Variants in DNAH11 observed in about 807,000 individuals in gnomAD.
DNAH11 encodes the protein dynein axonemal heavy chain 11.
In DNAH11, 442 loss-of-function variants were observed where a neutral mutation model predicts 526.0. The observed-to-expected ratio is 0.84, with a 90% confidence interval of 0.78 to 0.91. The LOEUF (loss-of-function observed/expected upper bound fraction) is 0.91. Ranked by LOEUF, DNAH11 falls within the 40% of genes least tolerant of loss-of-function variation. DNAH11 has a pLI of 0.00. For missense variants in DNAH11, 6,989 were observed against 5,448.7 expected, an observed-to-expected ratio of 1.28 and a Z score of -8.90; for synonymous variants, 2,461 against 1,935.9, an observed-to-expected ratio of 1.27 and a Z score of -7.12.
At chr7:21,738,567 T>C (rs1354086710) in intron 46 of DNAH11, 134 bp from the exon 47 acceptor site, 22 of 842,844 alleles carry the variant, frequency 2.6e-5, no homozygotes, top group Non-Finnish European at 3.9e-5. Context: ...CCGGGTCTCT[T>C]AACCTATGAA....
chr7:21,652,582 A>G (rs1781828447), intron 28 of DNAH11, among the ~76,000 whole-genome samples: 1 of 152,198 alleles, frequency 6.6e-6, no homozygotes, highest in African/African-American at 2.4e-5. Context: ...ACCAACAGTG[A>G]GAAGCTTTAA....
At position 21,620,036 on chromosome 7, in the gene DNAH11, A is replaced by G. The variant is rs768404181; in HGVS notation, c.4458A>G (p.Leu1486=). The G allele has an allele frequency of 5.6e-6, 9 of 1,608,110 alleles. No individual in the cohort carries two copies. The highest frequency in any genetic ancestry group is 3.4e-6 in the Non-Finnish European group (4 of 1,178,066). Residue 1486 remains leucine, a synonymous_variant, in exon 25 of 82, where the codon CTA becomes CTG. Coordinates refer to ENST00000409508, the MANE Select transcript of DNAH11 (RefSeq NM_001277115.2). ...ACTATCGAACAGGCATTCCATTACT[A>G]AAGTCTGATGAACAACTTTTTGAAA... is the stretch of plus-strand genomic sequence containing the variant. The part of the protein sequence containing the change: ...EVHYRTGIPL[L]KSDEQLFETL...
chr7:21,830,597 TAGG>T (rs1790509700), intron 65 of DNAH11, among the ~76,000 whole-genome samples: 1 of 152,164 alleles, frequency 6.6e-6, no homozygotes, highest in South Asian at 2.1e-4. Context: ...AACTTTATAC[TAGG>T]AGTCTAGAGA....
chr7:21,855,153 T>G (rs1583777133), intron 68 of DNAH11, among the ~76,000 whole-genome samples: 1 of 149,408 alleles, frequency 6.7e-6, no homozygotes, highest in Non-Finnish European at 1.5e-5. Flanking sequence ...TGCCTCAGCC[T>G]CCTGAGTAGC....
At chr7:21,649,004 C>A (rs745359960) in intron 28 of DNAH11, among the ~76,000 whole-genome samples, 11 of 152,076 alleles carry the variant, frequency 7.2e-5, no homozygotes, top group Non-Finnish European at 1.0e-4. Context: ...GTAAAGTATT[C>A]ATTTTCCCTT....
Position 21,864,602 on chromosome 7 carries a change from A to T in DNAH11, c.11441A>T (p.His3814Leu). 1 of 1,610,898 alleles carries T rather than the reference A, an allele frequency of 6.2e-7. No homozygotes were observed. Among genetic ancestry groups the T allele is most frequent in the African/African-American group, 1.3e-5 (1 of 74,990 alleles). ...TTCCTGCTTCGATTCACAGTTGAACACACTCATCTGAGTCCCGTTGACTTC... is the reference window on the plus strand; with the variant it reads ...TTCCTGCTTCGATTCACAGTTGAACTCACTCATCTGAGTCCCGTTGACTTC... ...LDFLLRFTVE[H>L]THLSPVDFLT... is the part of the protein sequence containing the mutation. Residue 3814 changes from histidine to leucine, a missense_variant, in exon 70 of 82, where the codon CAC becomes CTC. Transcript: ENST00000409508.
Position 21,551,676 on chromosome 7 carries a change from A to G in DNAH11, c.495+6527A>G, listed in dbSNP as rs551764878. ...ATGGCCATTATGTCTCTTGCCATCT[A>G]TCACATGGGACGACCTATCCACAAA... On this transcript the variant is annotated intron_variant, in intron 2 of 81. Transcript: ENST00000409508. 2.0e-5 allele frequency among the ~76,000 whole-genome samples: 3 copies of G among 152,314 alleles called. No individual in the cohort carries two copies. The East Asian group carries it at 5.8e-4, about 29-fold the overall frequency.
chr7:21,694,752 C>T (rs907273712), intron 35 of DNAH11, among the ~76,000 whole-genome samples: 39 of 152,146 alleles, frequency 2.6e-4, no homozygotes, highest in African/African-American at 8.7e-4. Flanking sequence ...ATTTCTGGTT[C>T]TAGATCCTTG....
intron 55 of DNAH11, among the ~76,000 whole-genome samples, chr7:21,769,721 G>A (rs1554279193): frequency 6.6e-6 from 1 of 152,054 alleles, no homozygotes; most frequent in Non-Finnish European, 1.5e-5. Flanking sequence ...TTGACCTCGG[G>A]TTATCTGCCT....
At chr7:21,790,821 GA>G (rs1272556785) in intron 61 of DNAH11, among the ~76,000 whole-genome samples, 1 of 152,220 alleles carries the variant, frequency 6.6e-6, no homozygotes, top group Non-Finnish European at 1.5e-5. Context: ...GGGAAATCAT[GA>G]AAGATGAACT....
chr7:21,862,819 T>C (rs1016633563), intron 69 of DNAH11, among the ~76,000 whole-genome samples: 2 of 152,132 alleles, frequency 1.3e-5, no homozygotes, highest in Admixed American at 6.5e-5. Context: ...GGCTCACGCC[T>C]GTAATCCCAG....
At chr7:21,815,940 A>G (rs10268786) in intron 63 of DNAH11, among the ~76,000 whole-genome samples, 61,585 of 151,792 alleles carry the variant, frequency 0.41, 13,353 homozygotes, top group East Asian at 0.82. Context: ...TAGAAGTGAC[A>G]TCCTAAGTTC....
At chr7:21,836,034 A>G (rs549201820) in intron 65 of DNAH11, among the ~76,000 whole-genome samples, 138 of 152,230 alleles carry the variant, frequency 9.1e-4, no homozygotes, top group African/African-American at 3.1e-3. Flanking sequence ...AACCTAAGAA[A>G]TTTAACCAAG....
At chr7:21,702,936 A>G in intron 37 of DNAH11, 134 bp downstream of exon 37, 1 of 755,590 alleles carries the variant, frequency 1.3e-6, no homozygotes, top group East Asian at 2.9e-5. Flanking sequence ...AATGCAGGAA[A>G]TTTGAGGATT....
intron 28 of DNAH11, among the ~76,000 whole-genome samples, chr7:21,651,733 C>T (rs773472108): frequency 1.1e-4 from 16 of 152,218 alleles, no homozygotes; most frequent in Non-Finnish European, 1.8e-4. Context: ...GGTTAAATAA[C>T]GCCAGTGCCC....
chr7:21,755,601 TA>T (rs1341740042), intron 54 of DNAH11, among the ~76,000 whole-genome samples: 8 of 152,180 alleles, frequency 5.3e-5, no homozygotes, highest in Admixed American at 5.2e-4. Flanking sequence ...AAAATATTTT[TA>T]AATTACCCTT....
chr7:21,782,400 G>C (rs1400902188), intron 57 of DNAH11, among the ~76,000 whole-genome samples: 1 of 152,200 alleles, frequency 6.6e-6, no homozygotes, highest in African/African-American at 2.4e-5. Flanking sequence ...AGCTTACTGA[G>C]ATATACAGAA....
chr7:21,634,278 G>C (rs1183826339), intron 25 of DNAH11, among the ~76,000 whole-genome samples: 1 of 152,118 alleles, frequency 6.6e-6, no homozygotes, highest in Non-Finnish European at 1.5e-5. Context: ...GAGACTTGAT[G>C]AACTAGATAA....
chr7:21,580,107 G>A (rs1042195042), intron 8 of DNAH11, among the ~76,000 whole-genome samples: 10 of 152,194 alleles, frequency 6.6e-5, no homozygotes, highest in African/African-American at 2.4e-4. Context: ...GAGGTCCCAC[G>A]TGCAGTTCTA....
Sources: gnomAD v4.1 joint callset for allele counts (sites outside exome capture counted in the v4.1 genomes callset) on GRCh38, gnomAD v4.1.1 for gene constraint, MANE v1.5 for transcripts, NCBI Gene and HGNC (gene_info 2026-07-23, HGNC 2026-07-21) for gene names.